The following C4BPA variants were observed in gnomAD, a reference collection of about 807,000 sequenced individuals.
C4BPA encodes C4b-binding protein alpha chain.
A neutral mutation model predicts 63.7 loss-of-function variants in C4BPA; 31 were observed. The ratio of observed to expected loss-of-function variants is 0.49; its 90% CI spans 0.37 to 0.66. The LOEUF is 0.66. Among genes scored for constraint, C4BPA ranks in the 30% least tolerant of loss-of-function variants. The pLI is 0.00. For synonymous variants in C4BPA, 259 were observed against 254.7 expected (o/e 1.02, Z -0.16); for missense variants, 572 against 723.3 (o/e 0.79, Z 2.40).
chr1:207,109,550 C>T (rs547875245), intron 1 of C4BPA, among the ~76,000 whole-genome samples: 12 of 152,316 alleles, frequency 7.9e-5, no homozygotes, highest in Admixed American at 5.9e-4. Flanking sequence ...AGAGCCAGGA[C>T]GCCAACTCAC....
At chr1:207,131,017 G>A (rs972942664) in intron 7 of C4BPA, among the ~76,000 whole-genome samples, 4 of 152,110 alleles carry the variant, frequency 2.6e-5, no homozygotes, top group East Asian at 3.9e-4. Flanking sequence ...ATCATCCAAC[G>A]TGGTAGATGT....
At chr1:207,117,458 A>T (rs1457470351) in intron 4 of C4BPA, among the ~76,000 whole-genome samples, 1 of 152,190 alleles carries the variant, frequency 6.6e-6, no homozygotes, top group Non-Finnish European at 1.5e-5. Context: ...CTCGAAAAAT[A>T]AACTGGTAAA....
chr1:207,123,355 T>C (rs1463218073), intron 4 of C4BPA, among the ~76,000 whole-genome samples: 2 of 152,246 alleles, frequency 1.3e-5, no homozygotes, highest in Non-Finnish European at 2.9e-5. Context: ...CAATTTGATA[T>C]CATTGATGAT....
intron 1 of C4BPA, among the ~76,000 whole-genome samples, chr1:207,104,653 T>C (rs972986778): frequency 6.6e-6 from 1 of 152,214 alleles, no homozygotes; most frequent in Non-Finnish European, 1.5e-5. Flanking sequence ...AGGAATAATA[T>C]TGCATTCTAA....
At position 207,118,141 on chromosome 1, in the gene C4BPA, G is replaced by A. The variant is rs929005245; in HGVS notation, c.428+2626G>A. Among the ~76,000 whole-genome samples, 286 of 89,888 alleles carry A rather than the reference G, an allele frequency of 3.2e-3. 1 individual carries two copies. Among genetic ancestry groups the A allele is most frequent in the African/African-American group, 7.7e-3 (233 of 30,206 alleles). The allele number at this position is 89,888 out of a possible 152,430, so 59.0% of individuals were successfully genotyped here. ...TCATCTATCTATCATCTATCTGTCT[G>A]TCTGTCTGTCTGTCTGTCTGTCTGT... On this transcript the variant is annotated intron_variant, in intron 4 of 11. Coordinates refer to ENST00000367070, the MANE Select transcript of C4BPA (RefSeq NM_000715.4).
intron 11 of C4BPA, among the ~76,000 whole-genome samples, chr1:207,144,297 TCTGGATG>T (rs1346172429): frequency 6.6e-6 from 1 of 152,170 alleles, no homozygotes; most frequent in Non-Finnish European, 1.5e-5. Flanking sequence ...TTGTTCCATT[TCTGGATG>T]GTCAGCAAAA....
At chr1:207,130,393 A>G (rs1685134421) in intron 7 of C4BPA, among the ~76,000 whole-genome samples, 1 of 152,198 alleles carries the variant, frequency 6.6e-6, no homozygotes, top group Admixed American at 6.5e-5. Context: ...GAGTTTTTGC[A>G]GTCCTGCTGA....
intron 10 of C4BPA, among the ~76,000 whole-genome samples, 172 bp downstream of exon 10, chr1:207,141,448 A>G (rs1289664613): frequency 1.3e-5 from 2 of 152,240 alleles, no homozygotes; most frequent in Non-Finnish European, 2.9e-5. Context: ...AAGGGCACAC[A>G]CAAACATTAA....
intron 4 of C4BPA, 40 bp from the exon 5 acceptor site, chr1:207,123,882 A>C: frequency 9.0e-7 from 1 of 1,116,830 alleles, no homozygotes; most frequent in Non-Finnish European, 1.4e-6. Flanking sequence ...AATTTAGGGT[A>C]GGAGGAATTC....
intron 1 of C4BPA, among the ~76,000 whole-genome samples, chr1:207,107,334 G>C (rs1435636453): frequency 6.6e-6 from 1 of 152,208 alleles, no homozygotes; most frequent in Non-Finnish European, 1.5e-5. Flanking sequence ...GTTCACTTGA[G>C]GCCAGGAGTT....
At chr1:207,107,468 G>A (rs1027887777) in intron 1 of C4BPA, among the ~76,000 whole-genome samples, 2 of 152,170 alleles carry the variant, frequency 1.3e-5, no homozygotes, top group Non-Finnish European at 2.9e-5. Context: ...AGCATCATTC[G>A]AGTCCAGGAG....
chr1:207,121,519 G>A (rs1684921951), intron 4 of C4BPA, among the ~76,000 whole-genome samples: 1 of 151,938 alleles, frequency 6.6e-6, no homozygotes, highest in African/African-American at 2.4e-5. Context: ...TTTTAGGTTT[G>A]TCTCCTGTAT....
At chr1:207,111,647 T>C (rs1459665462) in intron 1 of C4BPA, among the ~76,000 whole-genome samples, 1 of 152,322 alleles carries the variant, frequency 6.6e-6, no homozygotes, top group African/African-American at 2.4e-5. Flanking sequence ...CCCATATTAC[T>C]GAGACCAGCT....
At chr1:207,128,907 C>T (rs149014808) in intron 7 of C4BPA, among the ~76,000 whole-genome samples, 2,742 of 151,874 alleles carry the variant, frequency 0.018, 28 homozygotes, top group Middle Eastern at 0.038. Context: ...AAAGAGTGAC[C>T]CATGTAAAGG....
intron 9 of C4BPA, among the ~76,000 whole-genome samples, chr1:207,136,446 A>G (rs1685280900): frequency 6.6e-6 from 1 of 152,136 alleles, no homozygotes; most frequent in African/African-American, 2.4e-5. Context: ...CCTACCCCAG[A>G]TCTCTTTGTG....
At chr1:207,125,499 G>A (rs1160661319) in intron 6 of C4BPA, among the ~76,000 whole-genome samples, 1 of 152,110 alleles carries the variant, frequency 6.6e-6, no homozygotes, top group Non-Finnish European at 1.5e-5. Flanking sequence ...TTGGGGAAGT[G>A]ATTAAGTCAT....
chr1:207,108,219 G>A (rs1436349789), intron 1 of C4BPA, among the ~76,000 whole-genome samples: 1 of 152,070 alleles, frequency 6.6e-6, no homozygotes. Flanking sequence ...AGAGGAAAGT[G>A]TAATAATTAT....
At chr1:207,133,678 G>T (rs1468915036) in intron 8 of C4BPA, among the ~76,000 whole-genome samples, 2 of 152,144 alleles carry the variant, frequency 1.3e-5, no homozygotes, top group African/African-American at 4.8e-5. Flanking sequence ...TGGGAGAATT[G>T]CTTGAGCCCA....
rs1470156650 is a variant in C4BPA, at chr1:207,134,588, A to G, written c.1269A>G (p.Gly423=). The change falls in exon 9 of 12, where the codon GGA becomes GGG. Residue 423 remains glycine (G), a synonymous_variant. Coordinates refer to ENST00000367070, the MANE Select transcript of C4BPA (RefSeq NM_000715.4). ...GGAGTCCCCGAACACCATCATGTGG[A>G]GACAGTAAGAGTTCATAGAATTATC... The part of the protein sequence containing the change: ...GTWSPRTPSC[G]DICNFPPKIA... 3 of 1,604,212 alleles carry G rather than the reference A, an allele frequency of 1.9e-6. No homozygotes were observed. The highest frequency in any genetic ancestry group is 2.6e-6 in the Non-Finnish European group (3 of 1,173,668).
Sources: allele counts gnomAD v4.1 joint callset (sites outside exome capture counted in the v4.1 genomes callset), GRCh38; gene constraint gnomAD v4.1.1; transcripts MANE v1.5; gene names NCBI Gene and HGNC (gene_info 2026-07-23, HGNC 2026-07-21).